PLCB4: variants seen among roughly 807,000 people sequenced by gnomAD.
The protein encoded by PLCB4 is 1-phosphatidylinositol 4,5-bisphosphate phosphodiesterase beta-4.
Under a neutral mutation model 178.8 loss-of-function variants are expected in PLCB4, and 77 were observed. That is an observed-to-expected ratio of 0.43 (90% CI 0.36 to 0.52). The LOEUF (loss-of-function observed/expected upper bound fraction) is 0.52, where lower values mean the gene tolerates loss of function less well. Among genes scored for constraint, PLCB4 ranks in the 20% least tolerant of loss-of-function variants. PLCB4 has a pLI of 0.00. For missense variants in PLCB4, 1,024 were observed against 1,453.4 expected, an observed-to-expected ratio of 0.70 and a Z score of 4.80; for synonymous variants, 496 against 490.8, an observed-to-expected ratio of 1.01 and a Z score of -0.14.
chr20:9,222,777 T>C (rs907068297), intron 3 of PLCB4, among the ~76,000 whole-genome samples: 4 of 152,196 alleles, frequency 2.6e-5, no homozygotes, highest in Admixed American at 2.0e-4. Context: ...GGTACCATAT[T>C]GGCCAGTGCA....
At chr20:9,386,634 T>C (rs1380613691) in intron 14 of PLCB4, among the ~76,000 whole-genome samples, 1 of 151,970 alleles carries the variant, frequency 6.6e-6, no homozygotes, top group Non-Finnish European at 1.5e-5. Flanking sequence ...CCTATCAAAA[T>C]TAAAAGTAAT....
chr20:9,378,718 G>A (rs1291060191), intron 12 of PLCB4, among the ~76,000 whole-genome samples: 3 of 152,148 alleles, frequency 2.0e-5, no homozygotes, highest in Non-Finnish European at 2.9e-5. Flanking sequence ...TACAACAGAA[G>A]CATGCTTCAT....
intron 22 of PLCB4, among the ~76,000 whole-genome samples, chr20:9,408,321 C>T (rs1015916852): frequency 6.6e-6 from 1 of 152,184 alleles, no homozygotes; most frequent in African/African-American, 2.4e-5. Context: ...TTCCCAAGTG[C>T]ATTCACAAGA....
intron 38 of PLCB4, among the ~76,000 whole-genome samples, chr20:9,474,409 A>T (rs2044404405): frequency 6.6e-6 from 1 of 152,092 alleles, no homozygotes. Context: ...TGGCAACAAG[A>T]CCCTCAGTTA....
intron 2 of PLCB4, among the ~76,000 whole-genome samples, chr20:9,097,913 A>G (rs1165732274): frequency 6.6e-6 from 1 of 152,192 alleles, no homozygotes; most frequent in Non-Finnish European, 1.5e-5. Flanking sequence ...CTGAGTTGTA[A>G]TGTTCGGCCC....
chr20:9,295,297 C>T (rs145094195), intron 3 of PLCB4, among the ~76,000 whole-genome samples: 21 of 152,176 alleles, frequency 1.4e-4, no homozygotes, highest in Non-Finnish European at 2.2e-4. Flanking sequence ...TGCTTTCCTG[C>T]GCGGTAAAGT....
At position 9,223,500 on chromosome 20, in the gene PLCB4, T is replaced by G. The variant is rs142750598; in HGVS notation, c.-16+6048T>G. Among the ~76,000 whole-genome samples the G allele has an allele frequency of 1.3e-5, 2 of 152,312 alleles. 1 individual carries two copies. The highest frequency in any genetic ancestry group is 4.8e-5 in the African/African-American group (2 of 41,574). On this transcript the variant is annotated intron_variant, in intron 3 of 39. Coordinates refer to ENST00000378473, the MANE Select transcript of PLCB4 (RefSeq NM_001377142.1). ...CTTGAGTTCTTTCATGCAGTTGCAG[T>G]CAGGTGGCAGCTGACGCTGGAAGAG...
intron 32 of PLCB4, among the ~76,000 whole-genome samples, chr20:9,449,992 G>A (rs910043517): frequency 2.6e-5 from 4 of 152,172 alleles, no homozygotes; most frequent in East Asian, 1.9e-4. Context: ...GATCATTCAC[G>A]CCCATAGTCA....
intron 2 of PLCB4, among the ~76,000 whole-genome samples, chr20:9,126,852 A>G (rs2092128414): frequency 2.0e-5 from 3 of 150,790 alleles, no homozygotes; most frequent in Admixed American, 6.6e-5. Context: ...CAGTCTTGAG[A>G]GAAAACCATT....
chr20:9,215,844 A>G (rs1016126712), intron 2 of PLCB4, among the ~76,000 whole-genome samples: 3 of 152,228 alleles, frequency 2.0e-5, no homozygotes, highest in Non-Finnish European at 4.4e-5. Flanking sequence ...TTACATATAG[A>G]TTAGTGAGGT....
chr20:9,392,973 T>C (rs2038270591), intron 17 of PLCB4, among the ~76,000 whole-genome samples: 1 of 152,098 alleles, frequency 6.6e-6, no homozygotes. Context: ...GACGGTTCTG[T>C]AGACCAGAGG....
At chr20:9,410,486 G>A (rs183383525) in intron 24 of PLCB4, among the ~76,000 whole-genome samples, 70 of 152,190 alleles carry the variant, frequency 4.6e-4, no homozygotes, top group African/African-American at 1.3e-3. Flanking sequence ...TTTCTTTTGC[G>A]GATGGGAAGA....
intron 1 of PLCB4, among the ~76,000 whole-genome samples, chr20:9,094,103 A>T (rs1248153859): frequency 6.6e-6 from 1 of 152,162 alleles, no homozygotes. Flanking sequence ...ATGAAACATC[A>T]CATTGATACT....
chr20:9,257,768 A>G (rs891787859), intron 3 of PLCB4, among the ~76,000 whole-genome samples: 6 of 152,218 alleles, frequency 3.9e-5, no homozygotes, highest in Non-Finnish European at 8.8e-5. Context: ...GTAGATAACT[A>G]AAATATAAAT....
intron 39 of PLCB4, 105 bp downstream of exon 39, chr20:9,476,858 T>A (rs1568924956): frequency 5.4e-6 from 4 of 744,774 alleles, no homozygotes; most frequent in Non-Finnish European, 9.3e-6. Context: ...ATAACTAATA[T>A]CTGAAGGGTT....
chr20:9,360,105 T>C (rs939583260), intron 7 of PLCB4, among the ~76,000 whole-genome samples: 1 of 152,206 alleles, frequency 6.6e-6, no homozygotes, highest in African/African-American at 2.4e-5. Context: ...CACAGAGCTC[T>C]TGTTGCCTGT....
chr20:9,408,050 T>G lies in PLCB4; in HGVS notation c.1781T>G (p.Val594Gly). The G allele has an allele frequency of 2.5e-6, 4 of 1,612,732 alleles. No homozygotes were observed. Among genetic ancestry groups the G allele is most frequent in the Non-Finnish European group, 3.4e-6 (4 of 1,179,454 alleles). The change falls in exon 22 of 40, where the codon GTG becomes GGG. Residue 594 changes from valine (V) to glycine (G), a missense_variant. This residue lies in a region of PLCB4 where 263 missense variants were observed against 417.4 expected (regional missense o/e 0.63). Coordinates refer to ENST00000378473, the MANE Select transcript of PLCB4 (RefSeq NM_001377142.1). ...CCTGTAAAGTTTCAAGGTTTCCATG[T>G]GGCAGAAGGTAACACCAAAGGTTAA... is the stretch of plus-strand genomic sequence containing the variant. ...AQPVKFQGFH[V>G]AEERNIHYNM...
chr20:9,351,387 A>C (rs572601846), intron 7 of PLCB4, among the ~76,000 whole-genome samples: 1 of 152,286 alleles, frequency 6.6e-6, no homozygotes, highest in East Asian at 1.9e-4. Flanking sequence ...GACACCATTA[A>C]CATCTTTCAG....
At chr20:9,399,287 C>T (rs1415636565) in intron 19 of PLCB4, among the ~76,000 whole-genome samples, 1 of 152,160 alleles carries the variant, frequency 6.6e-6, no homozygotes, top group Non-Finnish European at 1.5e-5. Context: ...CAGAATCATC[C>T]ACCTAGATGG....
Sources: allele counts gnomAD v4.1 joint callset (sites outside exome capture counted in the v4.1 genomes callset), GRCh38; gene constraint gnomAD v4.1.1; regional missense constraint gnomAD v4.1.1; transcripts MANE v1.5; gene names NCBI Gene and HGNC (gene_info 2026-07-23, HGNC 2026-07-21).